Variants in NKX3-2 observed in about 807,000 individuals in gnomAD.
NKX3-2 encodes the protein NK3 homeobox 2.
NKX3-2 carries 13 observed loss-of-function variants against 19.4 expected under a neutral mutation model. The ratio of observed to expected loss-of-function variants is 0.67; its 90% CI spans 0.44 to 1.07. NKX3-2 has a LOEUF of 1.07. NKX3-2 is among the 50% of genes least tolerant of loss of function. NKX3-2 has a pLI of 0.00. For missense variants in NKX3-2, 562 were observed against 488.2 expected (o/e 1.15, Z -1.42); for synonymous variants, 269 against 230.5 (o/e 1.17, Z -1.51).
Position 13,541,291 on chromosome 4 carries a change from T to G in NKX3-2, c.*702A>C, listed in dbSNP as rs754649671. ...CCCAGGCGCTTCCTGCTTGTGCAGG[T>G]ACCTGGACTTCAGAGAAGGAAGATG... On this transcript the variant is annotated 3_prime_UTR_variant, in exon 2 of 2. Transcript: ENST00000382438. 3 of 152,124 alleles carry G rather than the reference T, an allele frequency of 2.0e-5. No individual in the cohort carries two copies. Among genetic ancestry groups the G allele is most frequent in the Non-Finnish European group, 2.9e-5 (2 of 68,048 alleles). 9.4% of individuals were successfully genotyped at this position (152,124 alleles called of 1,614,324 possible). A position where few individuals can be genotyped will look rare whatever the true frequency, so the allele number is the denominator to read the frequency against.
At chr4:13,547,010 G>A, upstream of NKX3-2, 1 of 456,342 alleles carries the variant, frequency 2.2e-6, no homozygotes. Flanking sequence ...GGCCATTACG[G>A]CGCTTAGTCG....
Position 13,541,863 on chromosome 4 carries a change from G to A in NKX3-2, c.*130C>T, listed in dbSNP as rs1717992670. ...CCAGGGGACAAGTCCTGGCTAACGGGAGCTGGAGCTGGGTTTCACCTCCAG... is the reference window on the plus strand; with the variant it reads ...CCAGGGGACAAGTCCTGGCTAACGGAAGCTGGAGCTGGGTTTCACCTCCAG... On this transcript the variant is annotated 3_prime_UTR_variant, in exon 2 of 2. Coordinates refer to ENST00000382438, the MANE Select transcript of NKX3-2 (RefSeq NM_001189.4). 2.9e-6 allele frequency: 4 copies of A among 1,377,554 alleles called. No individual in the cohort carries two copies. In the South Asian group the frequency reaches 4.1e-5, roughly 14 times the overall value. The allele number at this position is 1,377,554 out of a possible 1,614,324, so 85.3% of individuals were successfully genotyped here. A position where few individuals can be genotyped will look rare whatever the true frequency, so the allele number is the denominator to read the frequency against.
In NKX3-2 at chr4:13,541,954, G is replaced by A. The variant is rs773971061; in HGVS notation, c.*39C>T. On this transcript the variant is annotated 3_prime_UTR_variant, in exon 2 of 2. Coordinates refer to ENST00000382438, the MANE Select transcript of NKX3-2 (RefSeq NM_001189.4). ...CAGCTGTCAGCGCCGGTCCGGAGCC[G>A]GAGCGCGGGAATCACTCGCTGCCTC... The A allele has an allele frequency of 5.8e-6, 9 of 1,553,848 alleles. No homozygotes were observed. The African/African-American group carries it at 9.6e-5, about 17-fold the overall frequency.
Sources: allele counts gnomAD v4.1 joint callset, GRCh38; gene constraint gnomAD v4.1.1; transcripts MANE v1.5; gene names NCBI Gene and HGNC (gene_info 2026-07-23, HGNC 2026-07-21).